The following ZNF813 variants were observed in gnomAD, a reference collection of about 807,000 sequenced individuals.
ZNF813 encodes zinc finger protein 813.
ZNF813 carries 3 observed loss-of-function variants against 7.2 expected under a neutral mutation model. That is an observed-to-expected ratio of 0.42 (90% CI 0.19 to 1.08). The LOEUF (loss-of-function observed/expected upper bound fraction) is 1.08. ZNF813 is among the 50% of genes least tolerant of loss of function. The probability of loss-of-function intolerance (pLI) is 0.30; values close to 1 mark genes in which losing one functional copy is unlikely to be tolerated. For missense variants in ZNF813, 714 were observed against 753.3 expected, an observed-to-expected ratio of 0.95 and a Z score of 0.61; for synonymous variants, 227 against 256.3, an observed-to-expected ratio of 0.89 and a Z score of 1.09.
intron 3 of ZNF813, among the ~76,000 whole-genome samples, chr19:53,487,350 T>A (rs1238539094): frequency 6.6e-6 from 1 of 152,162 alleles, no homozygotes; most frequent in Non-Finnish European, 1.5e-5. Flanking sequence ...ATTTACTACT[T>A]TTTGTGTTTA....
At chr19:53,482,639 C>T (rs534690692) in intron 1 of ZNF813, among the ~76,000 whole-genome samples, 15 of 152,004 alleles carry the variant, frequency 9.9e-5, no homozygotes, top group African/African-American at 3.4e-4. Context: ...CTGATGTTCC[C>T]TCTGCCCGTC....
At chr19:53,469,098 C>A (rs112120262) in intron 1 of ZNF813, among the ~76,000 whole-genome samples, 1 of 152,122 alleles carries the variant, frequency 6.6e-6, no homozygotes, top group Admixed American at 6.5e-5. Context: ...AGCATACTGC[C>A]TGCAAACATA....
Position 53,491,898 on chromosome 19 carries a change from T to C in ZNF813, c.1666T>C (p.Cys556Arg). 1.2e-6 allele frequency: 2 copies of C among 1,613,106 alleles called. No individual in the cohort carries two copies. Among genetic ancestry groups the C allele is most frequent in the Non-Finnish European group, 1.7e-6 (2 of 1,179,324 alleles). The change falls in exon 4 of 4, where the codon TGT becomes CGT. Residue 556 changes from cysteine (C) to arginine (R), a missense_variant. Cys to Arg is a radical substitution (Grantham distance 180). Transcript: ENST00000396403. ...AGATAAACCTTACAAGTGTAATGAA[T>C]GTGGCAAGGTTTTTAATCAAAAAGC... ...TGDKPYKCNE[C>R]GKVFNQKAHL...
At chr19:53,478,992 T>C (rs2086394745) in intron 1 of ZNF813, among the ~76,000 whole-genome samples, 1 of 151,744 alleles carries the variant, frequency 6.6e-6, no homozygotes, top group African/African-American at 2.4e-5. Context: ...TGGAGTGTAG[T>C]GGCATGATGT....
At chr19:53,482,738 T>TTC (rs2086415362) in intron 1 of ZNF813, among the ~76,000 whole-genome samples, 5 of 122,536 alleles carry the variant, frequency 4.1e-5, no homozygotes, top group Non-Finnish European at 6.9e-5. Context: ...TTTTTTTTTT[T>TTC]TGAGAGACAG....
At chr19:53,488,836 T>G (rs1401368834) in intron 3 of ZNF813, among the ~76,000 whole-genome samples, 1 of 152,230 alleles carries the variant, frequency 6.6e-6, no homozygotes, top group African/African-American at 2.4e-5. Flanking sequence ...ATATAGAAGT[T>G]GTGGCTTTTT....
At position 53,491,719 on chromosome 19, in the gene ZNF813, A is replaced by G; in HGVS notation, c.1487A>G (p.Lys496Arg). 6.4e-7 allele frequency: 1 copy of G among 1,573,756 alleles called. No individual in the cohort carries two copies. Among genetic ancestry groups the G allele is most frequent in the Middle Eastern group, 1.7e-4 (1 of 5,940 alleles). Residue 496 changes from lysine (K) to arginine (R), a missense_variant, in exon 4 of 4, where the codon AAG (lysine) becomes AGG (arginine). Lys to Arg is a conservative substitution (Grantham distance 26). Around this residue, in one of 3 missense-constraint regions of ZNF813, gnomAD observed 563 missense variants for 554.2 expected, o/e 1.02. Transcript: ENST00000396403. ...TAIHTGEKPY[K>R]CNECGKGFNR... ...ATTCATACTGGAGAGAAACCTTACAAGTGTAATGAATGTGGCAAGGGTTTT... is the reference window on the plus strand; with the variant it reads ...ATTCATACTGGAGAGAAACCTTACAGGTGTAATGAATGTGGCAAGGGTTTT...
In ZNF813 at chr19:53,492,127, A is replaced by C. The variant is rs1239543589; in HGVS notation, c.*41A>C. 1 of 1,583,200 alleles carries C rather than the reference A, an allele frequency of 6.3e-7. No homozygotes were observed. The highest frequency in any genetic ancestry group is 8.6e-7 in the Non-Finnish European group (1 of 1,164,316). ...CATCATCATACAATTCATACTGGAA[A>C]GAAACAAGTGCAATGAGTGTGGCAA... On this transcript the variant is annotated 3_prime_UTR_variant, in exon 4 of 4. Transcript: ENST00000396403.
At chr19:53,471,251 T>G (rs1013468451) in intron 1 of ZNF813, among the ~76,000 whole-genome samples, 22 of 152,266 alleles carry the variant, frequency 1.4e-4, no homozygotes, top group African/African-American at 5.1e-4. Flanking sequence ...CGGTAGGCCC[T>G]TGGTGCACAG....
intron 1 of ZNF813, among the ~76,000 whole-genome samples, chr19:53,471,369 G>A (rs2086358120): frequency 6.6e-6 from 1 of 152,062 alleles, no homozygotes; most frequent in Non-Finnish European, 1.5e-5. Flanking sequence ...GAGGTGATCT[G>A]GAGTCATCTT....
At chr19:53,480,869 C>G (rs1294889192) in intron 1 of ZNF813, among the ~76,000 whole-genome samples, 1 of 152,120 alleles carries the variant, frequency 6.6e-6, no homozygotes, top group Non-Finnish European at 1.5e-5. Flanking sequence ...GGGCTACGAA[C>G]TCTGGCGGAG....
chr19:53,470,202 A>T (rs2086351395), intron 1 of ZNF813, among the ~76,000 whole-genome samples: 3 of 100,510 alleles, frequency 3.0e-5, no homozygotes, highest in African/African-American at 1.2e-4. Context: ...TCTTGTTCTA[A>T]AGGGGAGGAG....
intron 2 of ZNF813, among the ~76,000 whole-genome samples, chr19:53,485,587 T>TGCGTGTCATGATATATAC (rs571848662): frequency 7.2e-6 from 1 of 139,698 alleles, no homozygotes; most frequent in Non-Finnish European, 1.6e-5. Flanking sequence ...TGTCATGACA[T>TGCGTGTCATGATATATAC]ATGTATGTCA....
At chr19:53,489,844 G>A (rs1168224828) in intron 3 of ZNF813, among the ~76,000 whole-genome samples, 1 of 152,008 alleles carries the variant, frequency 6.6e-6, no homozygotes, top group Admixed American at 6.5e-5. Context: ...GACTACAGAC[G>A]TAGGCCACCA....
rs2086479618 is a variant in ZNF813, at chr19:53,494,786, G to A, written c.*2700G>A. ...GCCTGTAATCCCAGCACTTTCAGAG[G>A]CCAAGACAGGTGGGTCATGTAAGCC... On this transcript the variant is annotated 3_prime_UTR_variant, in exon 4 of 4. Transcript: ENST00000396403. 1 of 152,178 alleles carries A rather than the reference G, an allele frequency of 6.6e-6. No homozygotes were observed. Among genetic ancestry groups the A allele is most frequent in the Non-Finnish European group, 1.5e-5 (1 of 68,066 alleles). The allele number at this position is 152,178 out of a possible 1,614,324, so 9.4% of individuals were successfully genotyped here.
At chr19:53,473,362 G>A (rs566897145) in intron 1 of ZNF813, among the ~76,000 whole-genome samples, 6 of 151,992 alleles carry the variant, frequency 3.9e-5, no homozygotes, top group East Asian at 1.9e-4. Context: ...TGGGCTTGTC[G>A]TCCCCTCCAG....
In ZNF813 at chr19:53,492,827, C is replaced by A; in HGVS notation, c.*741C>A. 1 of 483,418 alleles carries A rather than the reference C, an allele frequency of 2.1e-6. No individual in the cohort carries two copies. The highest frequency in any genetic ancestry group is 2.3e-5 in the Admixed American group (1 of 42,978). 29.9% of individuals were successfully genotyped at this position (483,418 alleles called of 1,614,324 possible). ...GATTGAGGCAAGGTCTTCAGTCAAG[C>A]TTCATCCTATGCAAAACATAGGAGA... On this transcript the variant is annotated 3_prime_UTR_variant, in exon 4 of 4. Coordinates refer to ENST00000396403, the MANE Select transcript of ZNF813 (RefSeq NM_001004301.4).
At position 53,482,986 on chromosome 19, in the gene ZNF813, C is replaced by T. The variant is rs183265092; in HGVS notation, c.-73-764C>T. ...GGAGTGCAGTGGCACGATCTTGGCT[C>T]ACTGCAACTGCCACCTCCTGGGTAC... is the stretch of plus-strand genomic sequence containing the variant. On this transcript the variant is annotated intron_variant, in intron 1 of 3. Transcript: ENST00000396403. 2.1e-3 allele frequency among the ~76,000 whole-genome samples: 319 copies of T among 152,136 alleles called. 3 individuals carry two copies. The highest frequency in any genetic ancestry group is 7.3e-3 in the African/African-American group (301 of 41,482).
chr19:53,468,143 C>T (rs1005152674), intron 1 of ZNF813, among the ~76,000 whole-genome samples: 1 of 152,084 alleles, frequency 6.6e-6, no homozygotes, highest in Non-Finnish European at 1.5e-5. Flanking sequence ...ACCGCGGCCC[C>T]AGTCCCGGGA....
Sources: gnomAD v4.1 joint callset for allele counts (sites outside exome capture counted in the v4.1 genomes callset) on GRCh38, gnomAD v4.1.1 for gene constraint, gnomAD v4.1.1 regional missense constraint, MANE v1.5 for transcripts, NCBI Gene and HGNC (gene_info 2026-07-23, HGNC 2026-07-21) for gene names.